Variants in KNL1 observed in about 807,000 individuals in gnomAD.
KNL1 encodes kinetochore scaffold 1, also known as outer kinetochore KNL1 complex subunit KNL1.
A neutral mutation model predicts 201.3 loss-of-function variants in KNL1; 66 were observed. The observed-to-expected ratio is 0.33, with a 90% confidence interval of 0.27 to 0.40. The LOEUF (loss-of-function observed/expected upper bound fraction) is 0.40, where lower values mean the gene tolerates loss of function less well. KNL1 is among the 10% of genes least tolerant of loss of function. KNL1 has a pLI of 1.00. For synonymous variants in KNL1, 895 were observed against 899.2 expected, an observed-to-expected ratio of 1.00 and a Z score of 0.08; for missense variants, 2,815 against 2,690.5, an observed-to-expected ratio of 1.05 and a Z score of -1.02.
intron 2 of KNL1, 21 bp downstream of exon 2, chr15:40,602,987 TA>T: frequency 1.3e-6 from 2 of 1,496,158 alleles, no homozygotes; most frequent in Non-Finnish European, 1.9e-6. Flanking sequence ...TTAATGCAGC[TA>T]AAAATATTAT....
rs374543266 is a variant in KNL1 at position 40,623,897 on chromosome 15, C to T, written c.3633C>T (p.Ile1211=). Residue 1211 remains isoleucine (I), a synonymous_variant, in exon 10 of 26, where the codon ATC becomes ATT. Coordinates refer to ENST00000399668, the MANE Select transcript of KNL1 (RefSeq NM_144508.5). ...AGGATAATAGCTGTGTTCAAGAAAT[C>T]GCTGAAAAACAAGCACTGGCTGTAG... The part of the protein sequence containing the change: ...FPKDNSCVQE[I]AEKQALAVGN... 1.5e-4 allele frequency: 247 copies of T among 1,613,330 alleles called. 1 individual carries two copies. The highest frequency in any genetic ancestry group is 1.3e-3 in the South Asian group (115 of 91,060).
intron 1 of KNL1, among the ~76,000 whole-genome samples, chr15:40,596,905 C>CA (rs953766640): frequency 6.8e-6 from 1 of 146,798 alleles, no homozygotes; most frequent in Non-Finnish European, 1.5e-5. Flanking sequence ...GAGGCTGAGG[C>CA]AGGAGAATCA....
At chr15:40,638,257 A>C (rs923469240) in intron 13 of KNL1, among the ~76,000 whole-genome samples, 3 of 11,116 alleles carry the variant, frequency 2.7e-4, no homozygotes, top group Non-Finnish European at 5.5e-4. Context: ...GGGAGGGGGG[A>C]GGGGGAGGGG....
At chr15:40,644,407 G>A (rs914668357) in intron 14 of KNL1, among the ~76,000 whole-genome samples, 8 of 152,162 alleles carry the variant, frequency 5.3e-5, no homozygotes, top group African/African-American at 1.7e-4. Context: ...ATGTACAATC[G>A]AGTTTTATAC....
At chr15:40,633,994 G>A (rs748532161) in intron 13 of KNL1, among the ~76,000 whole-genome samples, 14 of 152,234 alleles carry the variant, frequency 9.2e-5, no homozygotes, top group Non-Finnish European at 1.3e-4. Flanking sequence ...AGACCTTCCA[G>A]TAGGACAAGA....
Position 40,624,041 on chromosome 15 carries a change from A to G in KNL1, c.3777A>G (p.Lys1259=), listed in dbSNP as rs1211051280. 1 of 1,614,092 alleles carries G rather than the reference A, an allele frequency of 6.2e-7. No homozygotes were observed. Among genetic ancestry groups the G allele is most frequent in the Non-Finnish European group, 8.5e-7 (1 of 1,179,964 alleles). ...CTATGGATGAAAAGGTCATAGGGAA[A>G]GTTGTAGACCAGGCCTGTACATTGG... ...SAAMDEKVIG[K]VVDQACTLEK... Residue 1259 remains lysine (K), a synonymous_variant, in exon 10 of 26, where the codon AAA becomes AAG. Coordinates refer to ENST00000399668, the MANE Select transcript of KNL1 (RefSeq NM_144508.5).
chr15:40,604,204 C>A (rs979159706), intron 2 of KNL1, among the ~76,000 whole-genome samples: 2 of 72,812 alleles, frequency 2.7e-5, no homozygotes, highest in Middle Eastern at 6.8e-3. Flanking sequence ...CCTATCTCTT[C>A]AATTTAAGGA....
Position 40,621,143 on chromosome 15 carries a change from A to T in KNL1, c.879A>T (p.Thr293=), listed in dbSNP as rs896558562. ...FTQCHTANIQ[T]LIPTSSETNS... is the part of the protein sequence containing the mutation. ...AGTGTCATACAGCCAATATTCAGAC[A>T]TTGATTCCCACATCCAGTGAGACCA... is the stretch of plus-strand genomic sequence containing the variant. Residue 293 remains threonine (T), a synonymous_variant, in exon 10 of 26, where the codon ACA becomes ACT. Transcript: ENST00000399668. 3.7e-6 allele frequency: 6 copies of T among 1,613,808 alleles called. No individual in the cohort carries two copies. The African/African-American group carries it at 8.0e-5, about 22-fold the overall frequency.
At chr15:40,634,215 T>C (rs1029795287) in intron 13 of KNL1, among the ~76,000 whole-genome samples, 1 of 152,206 alleles carries the variant, frequency 6.6e-6, no homozygotes, top group Non-Finnish European at 1.5e-5. Flanking sequence ...CAAGCGATTC[T>C]TCTGCCTCAG....
chr15:40,628,563 A>T, intron 11 of KNL1, 48 bp from the exon 12 acceptor site: 1 of 1,203,616 alleles, frequency 8.3e-7, no homozygotes, highest in Non-Finnish European at 1.2e-6. Context: ...AATTAAGTTC[A>T]CAGTTTAGTT....
chr15:40,629,886 C>T (rs1193441781), intron 13 of KNL1, among the ~76,000 whole-genome samples: 2 of 151,926 alleles, frequency 1.3e-5, no homozygotes, highest in Admixed American at 1.3e-4. Context: ...TCATGGATTT[C>T]GATAAGATAA....
chr15:40,605,750 CA>C (rs1312164862), intron 3 of KNL1, among the ~76,000 whole-genome samples: 2 of 152,270 alleles, frequency 1.3e-5, no homozygotes, highest in African/African-American at 4.8e-5. Flanking sequence ...GTGCCCAGCC[CA>C]AACTGCTTTA....
In KNL1 at chr15:40,657,480, G is replaced by C. The variant is rs1433369598; in HGVS notation, c.6713+7G>C. On this transcript the variant is annotated splice_region_variant and intron_variant, in intron 24 of 25. Coordinates refer to ENST00000399668, the MANE Select transcript of KNL1 (RefSeq NM_144508.5). ...TAGATATTAATAATAATGAGTAAGT[G>C]TATTAGTTCCCAAGGACTGCCATGA... 7.5e-7 allele frequency: 1 copy of C among 1,340,996 alleles called. No homozygotes were observed. The highest frequency in any genetic ancestry group is 1.7e-5 in the Admixed American group (1 of 59,592). The allele number at this position is 1,340,996 out of a possible 1,614,324, so 83.1% of individuals were successfully genotyped here.
At position 40,644,998 on chromosome 15, in the gene KNL1, T is replaced by C; in HGVS notation, c.5800T>C (p.Leu1934=). The C allele has an allele frequency of 6.2e-7, 1 of 1,607,666 alleles. No homozygotes were observed. The highest frequency in any genetic ancestry group is 1.3e-5 in the African/African-American group (1 of 74,838). Residue 1934 remains leucine, a splice_region_variant and synonymous_variant, in exon 15 of 26, where the codon TTA becomes CTA. Transcript: ENST00000399668. ...CEARRQKIEE[L]KLSASNQDKL... is the part of the protein sequence containing the mutation. ...CTAATTAACTTTTCCGTATTTTAGA[T>C]TAAAGCTTTCTGCATCGAACCAAGA... is the stretch of plus-strand genomic sequence containing the variant.
At chr15:40,616,645 T>A (rs1892353846) in intron 8 of KNL1, among the ~76,000 whole-genome samples, 1 of 152,198 alleles carries the variant, frequency 6.6e-6, no homozygotes, top group Non-Finnish European at 1.5e-5. Context: ...TAATTCAAGT[T>A]GTTATTATTT....
chr15:40,653,652 C>G (rs527605143), intron 21 of KNL1, among the ~76,000 whole-genome samples: 1 of 152,274 alleles, frequency 6.6e-6, no homozygotes, highest in African/African-American at 2.4e-5. Flanking sequence ...GACTATGCAC[C>G]TATTACTCTT....
In KNL1 at chr15:40,610,369, A is replaced by G. The variant is rs76046797; in HGVS notation, c.250+72A>G. On this transcript the variant is annotated intron_variant, in intron 6 of 25. Transcript: ENST00000399668. ...TTTACTGTAGCTATCTAACCAGACA[A>G]CTAATATAACTTATTGTCTATCTTA... 2.3e-4 allele frequency: 180 copies of G among 778,014 alleles called. No homozygotes were observed. The East Asian group carries it at 2.3e-3, about 10-fold the overall frequency. The allele number at this position is 778,014 out of a possible 1,614,324, so 48.2% of individuals were successfully genotyped here.
intron 7 of KNL1, among the ~76,000 whole-genome samples, chr15:40,612,208 C>CAGT (rs1281640426): frequency 1.3e-5 from 2 of 152,066 alleles, no homozygotes; most frequent in East Asian, 3.9e-4. Context: ...CCCAGCTACT[C>CAGT]AGGAGGTTGA....
At chr15:40,645,952 C>T (rs1325623699) in intron 16 of KNL1, among the ~76,000 whole-genome samples, 180 bp downstream of exon 16, 2 of 152,186 alleles carry the variant, frequency 1.3e-5, no homozygotes, top group African/African-American at 2.4e-5. Context: ...TTGAGTAATA[C>T]TGGAATATAA....
Sources: gnomAD v4.1 joint callset for allele counts (sites outside exome capture counted in the v4.1 genomes callset) on GRCh38, gnomAD v4.1.1 for gene constraint, MANE v1.5 for transcripts, NCBI Gene and HGNC (gene_info 2026-07-23, HGNC 2026-07-21) for gene names.